The following JAZF1 variants were observed in gnomAD, a reference collection of about 807,000 sequenced individuals.
The protein encoded by JAZF1 is JAZF zinc finger 1.
A neutral mutation model predicts 26.4 loss-of-function variants in JAZF1; 8 were observed. The observed-to-expected ratio is 0.30, with a 90% CI of 0.18 to 0.55. The LOEUF (loss-of-function observed/expected upper bound fraction) is 0.55, where lower values mean the gene tolerates loss of function less well. JAZF1 is among the 20% of genes least tolerant of loss of function. JAZF1 has a pLI of 0.94. For missense variants in JAZF1, 199 were observed against 322.0 expected (o/e 0.62, Z 2.92); for synonymous variants, 126 against 122.3 (o/e 1.03, Z -0.20).
chr7:28,110,753 C>T (rs1194812944), intron 1 of JAZF1, among the ~76,000 whole-genome samples: 1 of 152,146 alleles, frequency 6.6e-6, no homozygotes, highest in Non-Finnish European at 1.5e-5. Flanking sequence ...TGGGACGGTG[C>T]TTTCTGCCTC....
chr7:27,967,059 C>T (rs1785288579), intron 2 of JAZF1, among the ~76,000 whole-genome samples: 1 of 152,200 alleles, frequency 6.6e-6, no homozygotes, highest in South Asian at 2.1e-4. Context: ...TTATTACAGT[C>T]TCCTCTTCAT....
At chr7:27,943,187 T>A (rs1247073353) in intron 2 of JAZF1, among the ~76,000 whole-genome samples, 1 of 152,124 alleles carries the variant, frequency 6.6e-6, no homozygotes, top group African/African-American at 2.4e-5. Flanking sequence ...GGGGACTGTC[T>A]CAAGTGAACC....
chr7:27,911,294 T>A (rs1403802087), intron 2 of JAZF1, among the ~76,000 whole-genome samples: 1 of 152,194 alleles, frequency 6.6e-6, no homozygotes, highest in Non-Finnish European at 1.5e-5. Flanking sequence ...GTCTTTTTAG[T>A]ATGTGATATG....
At chr7:28,015,707 T>A (rs1782878838) in intron 1 of JAZF1, among the ~76,000 whole-genome samples, 1 of 152,206 alleles carries the variant, frequency 6.6e-6, no homozygotes, top group Non-Finnish European at 1.5e-5. Context: ...AGGACTGGCA[T>A]GTGTTTAGAT....
At chr7:27,855,745 C>G (rs1783237910) in intron 3 of JAZF1, among the ~76,000 whole-genome samples, 1 of 152,116 alleles carries the variant, frequency 6.6e-6, no homozygotes, top group Non-Finnish European at 1.5e-5. Flanking sequence ...AAAAGAAGCC[C>G]AGGACCAGAT....
At chr7:27,901,481 G>C (rs1325764215) in intron 2 of JAZF1, among the ~76,000 whole-genome samples, 1 of 152,188 alleles carries the variant, frequency 6.6e-6, no homozygotes, top group East Asian at 1.9e-4. Flanking sequence ...TGGAACCTGG[G>C]CAGAGACTCC....
chr7:28,156,463 G>A (rs1349185239), intron 1 of JAZF1, among the ~76,000 whole-genome samples: 1 of 152,238 alleles, frequency 6.6e-6, no homozygotes, highest in East Asian at 1.9e-4. Flanking sequence ...CTATTGATAA[G>A]AAGTTTAGGT....
intron 3 of JAZF1, among the ~76,000 whole-genome samples, chr7:27,866,057 G>A (rs1273621569): frequency 6.6e-6 from 1 of 152,166 alleles, no homozygotes. Context: ...GAATGGGTTC[G>A]CAGACAGGTT....
intron 2 of JAZF1, among the ~76,000 whole-genome samples, chr7:27,901,741 C>A (rs750509962): frequency 6.6e-6 from 1 of 152,188 alleles, no homozygotes; most frequent in Non-Finnish European, 1.5e-5. Flanking sequence ...GGCAAAGAAA[C>A]TGGTGGCCTC....
At chr7:28,169,639 G>A (rs747005718) in intron 1 of JAZF1, among the ~76,000 whole-genome samples, 13 of 152,274 alleles carry the variant, frequency 8.5e-5, no homozygotes, top group African/African-American at 2.6e-4. Flanking sequence ...TCCATAAGAA[G>A]TACTTAGCTT....
intron 1 of JAZF1, among the ~76,000 whole-genome samples, chr7:28,078,124 G>A (rs539488666): frequency 6.6e-6 from 1 of 152,248 alleles, no homozygotes; most frequent in Non-Finnish European, 1.5e-5. Flanking sequence ...TTTTCCCATA[G>A]AACAGATGTT....
intron 2 of JAZF1, among the ~76,000 whole-genome samples, chr7:27,969,090 A>T (rs1046903264): frequency 1.3e-5 from 2 of 152,196 alleles, no homozygotes; most frequent in Admixed American, 1.3e-4. Flanking sequence ...GTCAATAGGC[A>T]AACTTGGACA....
At chr7:27,918,813 G>A (rs1159335402) in intron 2 of JAZF1, among the ~76,000 whole-genome samples, 1 of 151,852 alleles carries the variant, frequency 6.6e-6, no homozygotes, top group Non-Finnish European at 1.5e-5. Flanking sequence ...AGAGAAAACA[G>A]TGGTGATAAG....
chr7:28,086,417 C>A (rs1186376811), intron 1 of JAZF1, among the ~76,000 whole-genome samples: 1 of 152,188 alleles, frequency 6.6e-6, no homozygotes, highest in Non-Finnish European at 1.5e-5. Context: ...TGTGTTCTAA[C>A]CATTACTGAT....
At chr7:28,002,741 T>C (rs1782624660) in intron 1 of JAZF1, among the ~76,000 whole-genome samples, 1 of 152,100 alleles carries the variant, frequency 6.6e-6, no homozygotes, top group South Asian at 2.1e-4. Flanking sequence ...CCAAGAGCTA[T>C]TTTCCCCCCT....
intron 1 of JAZF1, among the ~76,000 whole-genome samples, chr7:28,054,987 G>A (rs1783679766): frequency 6.6e-6 from 1 of 152,002 alleles, no homozygotes; most frequent in South Asian, 2.1e-4. Context: ...ATCTCGATCT[G>A]GATGGTGTTT....
chr7:28,120,411 A>G (rs1425577530), intron 1 of JAZF1, among the ~76,000 whole-genome samples: 1 of 151,712 alleles, frequency 6.6e-6, no homozygotes, highest in Non-Finnish European at 1.5e-5. Flanking sequence ...AGAAGTGAAT[A>G]GAAATATGAA....
chr7:28,148,597 C>A (rs192711811), intron 1 of JAZF1, among the ~76,000 whole-genome samples: 1 of 152,316 alleles, frequency 6.6e-6, no homozygotes, highest in East Asian at 1.9e-4. Context: ...CTTGACTTGA[C>A]TTGTTATCAT....
chr7:27,944,165 C>T (rs1489923126), intron 2 of JAZF1, among the ~76,000 whole-genome samples: 1 of 152,226 alleles, frequency 6.6e-6, no homozygotes, highest in Non-Finnish European at 1.5e-5. Flanking sequence ...AACACTACTA[C>T]AAAAGGAACT....
Sources: allele counts gnomAD v4.1 joint callset (sites outside exome capture counted in the v4.1 genomes callset), GRCh38; gene constraint gnomAD v4.1.1; transcripts MANE v1.5; gene names NCBI Gene and HGNC (gene_info 2026-07-23, HGNC 2026-07-21).